COL4A2: variants seen among roughly 807,000 people sequenced by gnomAD.
The protein encoded by COL4A2 is collagen type IV alpha 2 chain.
COL4A2 carries 99 observed loss-of-function variants against 200.2 expected under a neutral mutation model. That is an observed-to-expected ratio of 0.49 (90% CI 0.42 to 0.58). The LOEUF is 0.58. Among genes scored for constraint, COL4A2 ranks in the 20% least tolerant of loss-of-function variants. The pLI is 0.00. For synonymous variants in COL4A2, 897 were observed against 900.6 expected (o/e 1.00, Z 0.07); for missense variants, 1,950 against 2,314.1 (o/e 0.84, Z 3.23).
At chr13:110,320,906 A>G (rs879391300) in intron 3 of COL4A2, among the ~76,000 whole-genome samples, 4 of 152,220 alleles carry the variant, frequency 2.6e-5, no homozygotes, top group Admixed American at 6.5e-5. Context: ...TTAATTAACT[A>G]GAGTGTCTAA....
At position 110,339,269 on chromosome 13, in the gene COL4A2, G is replaced by T. The variant is rs80150581; in HGVS notation, c.100-18203G>T. ...AGAGAAAAGAGGACTGAATTCTGAT[G>T]GACAGTAGGTGTGGGAGGGGCAGCA... On this transcript the variant is annotated intron_variant, in intron 3 of 47. Transcript: ENST00000360467. Among the ~76,000 whole-genome samples the T allele has an allele frequency of 4.5e-4, 68 of 152,324 alleles. 1 individual carries two copies. The highest frequency in any genetic ancestry group is 1.6e-3 in the African/African-American group (66 of 41,574).
intron 45 of COL4A2, among the ~76,000 whole-genome samples, chr13:110,504,851 G>A (rs113532926): frequency 0.011 from 1,680 of 151,978 alleles, 23 homozygotes; most frequent in African/African-American, 0.038. Flanking sequence ...CGAGCGATCC[G>A]CCAGCCTTGG....
chr13:110,405,426 A>C (rs1879527074), intron 4 of COL4A2, among the ~76,000 whole-genome samples: 1 of 149,876 alleles, frequency 6.7e-6, no homozygotes, highest in Non-Finnish European at 1.5e-5. Context: ...CCGGTGTGGG[A>C]CCCACCCCCG....
At chr13:110,469,550 G>A (rs115705760) in intron 28 of COL4A2, among the ~76,000 whole-genome samples, 460 of 152,308 alleles carry the variant, frequency 3.0e-3, no homozygotes, top group African/African-American at 8.7e-3. Context: ...GGAAAAAGGA[G>A]ACAGGTGTTT....
At chr13:110,438,206 A>G (rs547071385) in intron 14 of COL4A2, among the ~76,000 whole-genome samples, 169 bp downstream of exon 14, 1 of 152,316 alleles carries the variant, frequency 6.6e-6, no homozygotes, top group East Asian at 1.9e-4. Flanking sequence ...GTATTTTAAG[A>G]AGTCAGTTCT....
intron 34 of COL4A2, among the ~76,000 whole-genome samples, chr13:110,486,379 A>G (rs1021622099): frequency 6.6e-6 from 1 of 152,228 alleles, no homozygotes; most frequent in African/African-American, 2.4e-5. Context: ...TGCAGAATGA[A>G]GGTAGTAGCT....
At chr13:110,393,809 G>A (rs1879084994) in intron 4 of COL4A2, among the ~76,000 whole-genome samples, 1 of 152,122 alleles carries the variant, frequency 6.6e-6, no homozygotes, top group African/African-American at 2.4e-5. Context: ...AATCTGGGAG[G>A]CAGAGGTTAC....
intron 3 of COL4A2, among the ~76,000 whole-genome samples, chr13:110,348,431 C>T (rs1435007712): frequency 6.6e-6 from 1 of 152,200 alleles, no homozygotes; most frequent in Admixed American, 6.5e-5. Flanking sequence ...CTTCCTCTTC[C>T]ATATACCTTG....
chr13:110,388,767 A>G (rs774025009), intron 4 of COL4A2, among the ~76,000 whole-genome samples: 2 of 152,230 alleles, frequency 1.3e-5, no homozygotes, highest in African/African-American at 2.4e-5. Flanking sequence ...GAATTTGTGC[A>G]TGATAAACTG....
At chr13:110,392,812 T>C (rs7995992) in intron 4 of COL4A2, among the ~76,000 whole-genome samples, 1 of 152,132 alleles carries the variant, frequency 6.6e-6, no homozygotes, top group Non-Finnish European at 1.5e-5. Context: ...AATTAAGTCC[T>C]AAAAGAAAGA....
In COL4A2 at chr13:110,473,023, C is replaced by T. The variant is rs762345786; in HGVS notation, c.2298C>T (p.Pro766=). ...TCGGCCTGCCAGGGCCAGATGGGCCCCCTGGGGAAAGGGGCCTCCCTGGAG... is the reference window on the plus strand; with the variant it reads ...TCGGCCTGCCAGGGCCAGATGGGCCTCCTGGGGAAAGGGGCCTCCCTGGAG... ...GPIGLPGPDG[P]PGERGLPGEV... Residue 766 remains proline (P), a synonymous_variant, in exon 29 of 48, where the codon CCC becomes CCT. Coordinates refer to ENST00000360467, the MANE Select transcript of COL4A2 (RefSeq NM_001846.4). The T allele has an allele frequency of 4.0e-6, 6 of 1,516,460 alleles. No individual in the cohort carries two copies. Among genetic ancestry groups the T allele is most frequent in the African/African-American group, 1.4e-5 (1 of 71,258 alleles). 93.9% of individuals were successfully genotyped at this position (1,516,460 alleles called of 1,614,324 possible).
intron 19 of COL4A2, 77 bp from the exon 20 acceptor site, chr13:110,450,228 C>T (rs1881486527): frequency 7.7e-7 from 1 of 1,302,878 alleles, no homozygotes; most frequent in Non-Finnish European, 1.1e-6. Flanking sequence ...CCCCAGTGGG[C>T]CCCTCTGGAC....
At chr13:110,456,805 G>A (rs1319913797) in intron 20 of COL4A2, 1 of 481,830 alleles carries the variant, frequency 2.1e-6, no homozygotes. Context: ...GGCACCCATG[G>A]TGCCGATGCC....
intron 22 of COL4A2, among the ~76,000 whole-genome samples, chr13:110,461,695 G>A (rs1040249031): frequency 6.6e-6 from 1 of 151,932 alleles, no homozygotes; most frequent in East Asian, 1.9e-4. Flanking sequence ...TGCCACACTC[G>A]GCTAAGTTTT....
intron 3 of COL4A2, among the ~76,000 whole-genome samples, chr13:110,342,699 C>T (rs549950270): frequency 2.6e-5 from 4 of 152,260 alleles, no homozygotes; most frequent in African/African-American, 7.2e-5. Flanking sequence ...ACCGCCCCCA[C>T]GAAACATGGC....
intron 30 of COL4A2, among the ~76,000 whole-genome samples, chr13:110,479,396 C>CAGCGGCAGGCCAGCG (rs1555331859): frequency 9.0e-6 from 1 of 111,638 alleles, no homozygotes; most frequent in African/African-American, 3.4e-5. Flanking sequence ...CTGGTGCCAG[C>CAGCGGCAGGCCAGCG]GGGGAGAAGG....
At chr13:110,309,272 A>G (rs1214971759) in intron 3 of COL4A2, among the ~76,000 whole-genome samples, 1 of 152,220 alleles carries the variant, frequency 6.6e-6, no homozygotes, top group Non-Finnish European at 1.5e-5. Flanking sequence ...TTTGGGAAGT[A>G]AGAGGAGGAC....
chr13:110,347,615 G>A (rs1375281353), intron 3 of COL4A2, among the ~76,000 whole-genome samples: 2 of 152,240 alleles, frequency 1.3e-5, no homozygotes, highest in Admixed American at 1.3e-4. Context: ...ATGTCACTGG[G>A]ATGTGTTCTG....
chr13:110,511,044 C>T (rs897485693), intron 47 of COL4A2, among the ~76,000 whole-genome samples: 21 of 152,074 alleles, frequency 1.4e-4, no homozygotes, highest in African/African-American at 4.8e-4. Flanking sequence ...AGAACAGCCC[C>T]TTTTTTCCCT....
Sources: gnomAD v4.1 joint callset for allele counts (sites outside exome capture counted in the v4.1 genomes callset) on GRCh38, gnomAD v4.1.1 for gene constraint, MANE v1.5 for transcripts, NCBI Gene and HGNC (gene_info 2026-07-23, HGNC 2026-07-21) for gene names.